Variants in DIAPH2 observed in about 807,000 individuals in gnomAD.
DIAPH2 encodes the protein protein diaphanous homolog 2.
DIAPH2 carries 35 observed loss-of-function variants against 92.7 expected under a neutral mutation model. The observed-to-expected ratio is 0.38, with a 90% CI of 0.29 to 0.50. DIAPH2 has a LOEUF of 0.50. DIAPH2 is among the 20% of genes least tolerant of loss of function. The pLI is 0.94. For missense variants in DIAPH2, 701 were observed against 819.5 expected, an observed-to-expected ratio of 0.86 and a Z score of 1.77; for synonymous variants, 301 against 280.4, an observed-to-expected ratio of 1.07 and a Z score of -0.73.
chrX:96,737,276 G>A (rs780110916), intron 2 of DIAPH2, among the ~76,000 whole-genome samples: 2 of 111,952 alleles, frequency 1.8e-5, no homozygotes, highest in African/African-American at 6.5e-5. Flanking sequence ...TCCTAAATAA[G>A]CTGCTTAAAA....
At chrX:97,194,407 G>C (rs1306137975) in intron 22 of DIAPH2, among the ~76,000 whole-genome samples, 1 of 107,966 alleles carries the variant, frequency 9.3e-6, no homozygotes, top group Non-Finnish European at 1.9e-5. Context: ...TCAGCCTCCC[G>C]AGTAGCTGGG....
At chrX:96,888,468 T>TTATA (rs1376314033) in intron 5 of DIAPH2, among the ~76,000 whole-genome samples, 16 of 104,192 alleles carry the variant, frequency 1.5e-4, no homozygotes, top group African/African-American at 4.9e-4. Flanking sequence ...TATGTGTTTT[T>TTATA]TATATATATA....
chrX:96,878,549 C>T (rs2147743091), intron 4 of DIAPH2, among the ~76,000 whole-genome samples: 1 of 111,943 alleles, frequency 8.9e-6, no homozygotes, highest in East Asian at 2.8e-4. Flanking sequence ...TATATATTCT[C>T]TGTCATGCTC....
At position 97,221,033 on chromosome X, in the gene DIAPH2, TTTGTTG is replaced by T. The variant is rs1160485265; in HGVS notation, c.2720-26669_2720-26664del. On this transcript the variant is annotated intron_variant, in intron 22 of 26. Transcript: ENST00000324765. Reference sequence around the variant, plus strand: ...TATTGTTAAAAACAGTTCATTGGATTTTGTTGTTGTTGTTGTTGCTTTACATCAGTT... The same window carrying T: ...TATTGTTAAAAACAGTTCATTGGATTTTGTTGTTGTTGCTTTACATCAGTT... Among the ~76,000 whole-genome samples the T allele has an allele frequency of 4.5e-5, 5 of 111,193 alleles. No homozygotes were observed. The East Asian group carries it at 1.1e-3, about 25-fold the overall frequency.
At chrX:97,058,999 A>G (rs1279994850) in intron 17 of DIAPH2, among the ~76,000 whole-genome samples, 1 of 112,125 alleles carries the variant, frequency 8.9e-6, no homozygotes, top group Non-Finnish European at 1.9e-5. Context: ...TCATAGAGAA[A>G]GTGACATTTG....
chrX:97,494,306 G>A (rs1034182528), intron 26 of DIAPH2, among the ~76,000 whole-genome samples: 1 of 109,281 alleles, frequency 9.2e-6, no homozygotes, highest in African/African-American at 3.3e-5. Flanking sequence ...GCAACAGAGC[G>A]AGACTCTGTC....
At chrX:97,145,282 CAGTAGTAGTAGT>C (rs3044923) in intron 22 of DIAPH2, among the ~76,000 whole-genome samples, 14 of 92,096 alleles carry the variant, frequency 1.5e-4, no homozygotes, top group East Asian at 3.5e-4. Flanking sequence ...GAACTACTAC[CAGTAGTAGTAGT>C]AGTAGTAGTA....
At chrX:97,439,895 C>T (rs1405496846) in intron 26 of DIAPH2, among the ~76,000 whole-genome samples, 2 of 110,886 alleles carry the variant, frequency 1.8e-5, no homozygotes. Context: ...AGCAGGTGGT[C>T]GAATAGGGGC....
At chrX:96,718,336 G>GTTTTTTTTTTTTT (rs962776012) in intron 1 of DIAPH2, among the ~76,000 whole-genome samples, 1 of 10,993 alleles carries the variant, frequency 9.1e-5, no homozygotes, top group Non-Finnish European at 1.4e-4. Flanking sequence ...CATTTTCTTT[G>GTTTTTTTTTTTTT]TTTTTTTTTT....
At chrX:96,885,119 T>A in intron 5 of DIAPH2, 1 of 1,170,073 alleles carries the variant, frequency 8.5e-7, no homozygotes, top group Non-Finnish European at 1.2e-6. Flanking sequence ...ATCCTTTCAT[T>A]TTTCGAAGAC....
intron 17 of DIAPH2, among the ~76,000 whole-genome samples, chrX:97,064,153 T>C (rs1409360073): frequency 8.9e-6 from 1 of 112,044 alleles, no homozygotes; most frequent in African/African-American, 3.2e-5. Flanking sequence ...AAATTTCCTA[T>C]ACTTCAAACC....
chrX:97,285,139 G>T (rs2068529579), intron 23 of DIAPH2, among the ~76,000 whole-genome samples: 2 of 111,286 alleles, frequency 1.8e-5, no homozygotes, highest in Non-Finnish European at 3.8e-5. Context: ...AAAGAAACCT[G>T]GAAGCAAACC....
intron 22 of DIAPH2, among the ~76,000 whole-genome samples, chrX:97,210,668 T>C (rs1472802109): frequency 9.0e-6 from 1 of 111,547 alleles, no homozygotes; most frequent in Non-Finnish European, 1.9e-5. Flanking sequence ...TGGGCCATGA[T>C]TGAGACCGGG....
At chrX:97,335,627 T>G (rs151080235) in intron 23 of DIAPH2, among the ~76,000 whole-genome samples, 10 of 112,256 alleles carry the variant, frequency 8.9e-5, no homozygotes, top group African/African-American at 2.9e-4. Context: ...CTGCCTTTGA[T>G]TCTGTGTAAC....
At chrX:97,145,287 G>GTAGTAGTAGTAA (rs2067237610) in intron 22 of DIAPH2, among the ~76,000 whole-genome samples, 1 of 101,930 alleles carries the variant, frequency 9.8e-6, no homozygotes, top group Non-Finnish European at 2.0e-5. Flanking sequence ...ACTACCAGTA[G>GTAGTAGTAGTAA]TAGTAGTAGT....
Position 97,258,478 on chromosome X carries a change from C to T in DIAPH2, c.2844+10639C>T, listed in dbSNP as rs755526538. ...GTCCCAGCTACTCGGGAGGCTGAGG[C>T]AGGAGAACCGCCTGAACCCAGGAGG... On this transcript the variant is annotated intron_variant, in intron 23 of 26. Transcript: ENST00000324765. 4.5e-5 allele frequency among the ~76,000 whole-genome samples: 5 copies of T among 110,634 alleles called. No homozygotes were observed. In the Admixed American group the frequency reaches 4.8e-4, roughly 11 times the overall value.
intron 23 of DIAPH2, among the ~76,000 whole-genome samples, chrX:97,299,166 G>A (rs972933526): frequency 3.6e-5 from 4 of 111,825 alleles, no homozygotes; most frequent in African/African-American, 1.3e-4. Context: ...TAGCTGTGAG[G>A]ACTAAATGAA....
At chrX:97,247,389 A>G (rs1334662536) in intron 22 of DIAPH2, among the ~76,000 whole-genome samples, 2 of 111,880 alleles carry the variant, frequency 1.8e-5, no homozygotes, top group African/African-American at 6.5e-5. Context: ...GTTTTTCTTT[A>G]ATCTTCAAAT....
At chrX:96,892,293 C>T (rs896373915) in intron 5 of DIAPH2, among the ~76,000 whole-genome samples, 7 of 112,020 alleles carry the variant, frequency 6.2e-5, no homozygotes, top group African/African-American at 3.2e-5. Flanking sequence ...ATTGTGAGCA[C>T]ATCTCATAAA....
Sources: allele counts gnomAD v4.1 joint callset (sites outside exome capture counted in the v4.1 genomes callset), GRCh38; gene constraint gnomAD v4.1.1; transcripts MANE v1.5; gene names NCBI Gene and HGNC (gene_info 2026-07-23, HGNC 2026-07-21).